Variants in GTSF1 observed in about 807,000 individuals in gnomAD.
GTSF1 encodes gametocyte specific factor 1, also known as gametocyte-specific factor 1.
In GTSF1, 11 loss-of-function variants were observed where a neutral mutation model predicts 28.9. The ratio of observed to expected loss-of-function variants is 0.38; its 90% CI spans 0.24 to 0.63. The LOEUF (loss-of-function observed/expected upper bound fraction) is 0.63. Ranked by LOEUF, GTSF1 falls within the 30% of genes least tolerant of loss-of-function variation. The pLI, the probability that GTSF1 is intolerant of heterozygous loss-of-function variation, is 0.56. For missense variants in GTSF1, 146 were observed against 201.0 expected (o/e 0.73, Z 1.66); for synonymous variants, 69 against 65.6 (o/e 1.05, Z -0.25).
chr12:54,460,204 A>G (rs1262654467), intron 7 of GTSF1, among the ~76,000 whole-genome samples, 173 bp downstream of exon 7: 1 of 152,068 alleles, frequency 6.6e-6, no homozygotes, highest in Non-Finnish European at 1.5e-5. Context: ...GCTCCTAACC[A>G]CGGTCAGTAG....
At chr12:54,466,712 T>C (rs953723836) in intron 2 of GTSF1, 1 of 152,066 alleles carries the variant, frequency 6.6e-6, no homozygotes, top group Non-Finnish European at 1.5e-5. Flanking sequence ...TCAGAGTTGA[T>C]AATGAGAGCT....
At chr12:54,465,919 G>T (rs999364873) in intron 2 of GTSF1, among the ~76,000 whole-genome samples, 3 of 152,106 alleles carry the variant, frequency 2.0e-5, no homozygotes, top group African/African-American at 7.2e-5. Flanking sequence ...CAGACAGGTA[G>T]TTTTTACTTT....
chr12:54,462,774 T>C (rs1956445839), intron 4 of GTSF1, 49 bp from the exon 5 acceptor site: 11 of 1,495,020 alleles, frequency 7.4e-6, no homozygotes, highest in African/African-American at 5.5e-5. Flanking sequence ...TGCCAAGTTA[T>C]TGTGTTCAAA....
chr12:54,464,799 G>T (rs949945373), intron 3 of GTSF1: 2 of 203,696 alleles, frequency 9.8e-6, no homozygotes, highest in African/African-American at 4.6e-5. Context: ...GCCAAAATTA[G>T]TCTGTTTTAC....
intron 2 of GTSF1, among the ~76,000 whole-genome samples, chr12:54,468,463 C>T (rs1333972158): frequency 6.6e-6 from 1 of 152,158 alleles, no homozygotes; most frequent in Non-Finnish European, 1.5e-5. Flanking sequence ...AAGAGTATTG[C>T]ATTGAAGTGT....
rs537426154 is a variant in GTSF1 at position 54,465,925 on chromosome 12, A to G, written c.17-758T>C. On this transcript the variant is annotated intron_variant, in intron 2 of 8. Transcript: ENST00000305879. ...TACTGTTATCAGACAGGTAGTTTTT[A>G]CTTTTCATATTTTGGAACACATGTG... 3.9e-5 allele frequency among the ~76,000 whole-genome samples: 6 copies of G among 152,292 alleles called. No homozygotes were observed. In the South Asian group the frequency reaches 1.2e-3, roughly 32 times the overall value.
rs1366448750 is a variant in GTSF1, at chr12:54,459,159, A to G, written c.488-34T>C. ...AGAAATATTTCAAAATAAATACACC[A>G]TGTCAATTGAAATTCACTCCATCCC... On this transcript the variant is annotated intron_variant, in intron 7 of 8. Transcript: ENST00000305879. The G allele has an allele frequency of 3.8e-6, 6 of 1,586,370 alleles. No individual in the cohort carries two copies. In the Admixed American group the frequency reaches 8.5e-5, roughly 22 times the overall value.
chr12:54,459,151 A>C (rs978854333), intron 7 of GTSF1, 26 bp from the exon 8 acceptor site: 3 of 1,593,740 alleles, frequency 1.9e-6, no homozygotes, highest in African/African-American at 1.3e-5. Context: ...TTTCAAAATA[A>C]ATACACCATG....
chr12:54,461,128 C>T (rs957786525), intron 6 of GTSF1, among the ~76,000 whole-genome samples: 1 of 152,082 alleles, frequency 6.6e-6, no homozygotes, highest in Non-Finnish European at 1.5e-5. Flanking sequence ...AGGACTCTTT[C>T]TGTCACCCAG....
chr12:54,457,133 A>G (rs1956344853), intron 8 of GTSF1, among the ~76,000 whole-genome samples: 1 of 152,180 alleles, frequency 6.6e-6, no homozygotes, highest in Non-Finnish European at 1.5e-5. Flanking sequence ...CTTCATTTTT[A>G]TTAAGAGGAT....
In GTSF1 at chr12:54,459,936, C is replaced by T. The variant is rs577345696; in HGVS notation, c.487+441G>A. Among the ~76,000 whole-genome samples the T allele has an allele frequency of 4.8e-5, 6 of 123,746 alleles. 1 individual carries two copies. In the South Asian group the frequency reaches 1.3e-3, roughly 26 times the overall value. The allele number at this position is 123,746 out of a possible 152,430, so 81.2% of individuals were successfully genotyped here. On this transcript the variant is annotated intron_variant, in intron 7 of 8. Transcript: ENST00000305879. Reference sequence around the variant, plus strand: ...AGAGACGGGGTTTCACCGTTTTAGCCGGGATGGTCTCGATCTCCTGACCTC... The same window carrying T: ...AGAGACGGGGTTTCACCGTTTTAGCTGGGATGGTCTCGATCTCCTGACCTC...
chr12:54,462,380 C>A (rs564082769), intron 5 of GTSF1, among the ~76,000 whole-genome samples: 2 of 152,174 alleles, frequency 1.3e-5, no homozygotes, highest in East Asian at 3.9e-4. Flanking sequence ...ATAAACGTGC[C>A]TACTAACAAT....
chr12:54,471,096 G>T, intron 2 of GTSF1, 137 bp downstream of exon 2: 2 of 505,970 alleles, frequency 4.0e-6, no homozygotes, highest in Non-Finnish European at 6.8e-6. Flanking sequence ...TTTCAAATTT[G>T]GGCAATACCA....
At chr12:54,466,253 C>G (rs1330015258) in intron 2 of GTSF1, among the ~76,000 whole-genome samples, 2 of 152,182 alleles carry the variant, frequency 1.3e-5, no homozygotes, top group East Asian at 3.8e-4. Flanking sequence ...CTTGCCACCC[C>G]TGAAGGCAAT....
At chr12:54,470,376 T>C (rs1336465845) in intron 2 of GTSF1, among the ~76,000 whole-genome samples, 1 of 152,222 alleles carries the variant, frequency 6.6e-6, no homozygotes, top group Non-Finnish European at 1.5e-5. Flanking sequence ...TGCTGCATGT[T>C]AACAAGTTTG....
chr12:54,471,330 G>C (rs557275642), intron 1 of GTSF1, 53 bp from the exon 2 acceptor site: 2 of 1,323,456 alleles, frequency 1.5e-6, no homozygotes, highest in African/African-American at 3.0e-5. Flanking sequence ...TGTACCAAAA[G>C]GTAACCCTAA....
rs769575396 is a variant in GTSF1 at position 54,459,147 on chromosome 12, A to C, written c.488-22T>G. ...CCATCTACAAGTAGAAATATTTCAA[A>C]ATAAATACACCATGTCAATTGAAAT... On this transcript the variant is annotated intron_variant, in intron 7 of 8. Transcript: ENST00000305879. 6 of 1,596,494 alleles carry C rather than the reference A, an allele frequency of 3.8e-6. No homozygotes were observed. The South Asian group carries it at 5.6e-5, about 15-fold the overall frequency.
chr12:54,463,351 C>G, intron 3 of GTSF1, 54 bp from the exon 4 acceptor site: 1 of 1,579,400 alleles, frequency 6.3e-7, no homozygotes. Flanking sequence ...CTAAAGTCAA[C>G]AGGGAGTAGC....
At chr12:54,458,990 G>A in intron 8 of GTSF1, 99 bp downstream of exon 8, 1 of 757,322 alleles carries the variant, frequency 1.3e-6, no homozygotes, top group Non-Finnish European at 2.2e-6. Context: ...CTTTAATTTG[G>A]TACCATAATC....
Sources: gnomAD v4.1 joint callset for allele counts (sites outside exome capture counted in the v4.1 genomes callset) on GRCh38, gnomAD v4.1.1 for gene constraint, MANE v1.5 for transcripts, NCBI Gene and HGNC (gene_info 2026-07-23, HGNC 2026-07-21) for gene names.